The following ZNF804A variants were observed in gnomAD, a reference collection of about 807,000 sequenced individuals.
The protein encoded by ZNF804A is zinc finger protein 804A.
ZNF804A carries 2 observed loss-of-function variants against 16.5 expected under a neutral mutation model. That is an observed-to-expected ratio of 0.12 (90% confidence interval 0.05 to 0.38). ZNF804A has a LOEUF of 0.38. Ranked by LOEUF, ZNF804A falls within the 10% of genes least tolerant of loss-of-function variation. The probability of loss-of-function intolerance (pLI) is 0.99; values close to 1 mark genes in which losing one functional copy is unlikely to be tolerated. For synonymous variants in ZNF804A, 534 were observed against 489.6 expected (o/e 1.09, Z -1.20); for missense variants, 1,473 against 1,390.7 (o/e 1.06, Z -0.94).
At chr2:184,871,347 G>C (rs1266442323) in intron 2 of ZNF804A, among the ~76,000 whole-genome samples, 1 of 149,580 alleles carries the variant, frequency 6.7e-6, no homozygotes, top group Non-Finnish European at 1.5e-5. Context: ...GGTAAACTCT[G>C]ATGATGATTT....
chr2:184,709,878 G>T (rs1693097786), intron 1 of ZNF804A, among the ~76,000 whole-genome samples: 1 of 148,254 alleles, frequency 6.7e-6, no homozygotes, highest in African/African-American at 2.5e-5. Context: ...TATATTTTAA[G>T]ACTGCATAAA....
rs1695010180 is a variant in ZNF804A at position 184,818,051 on chromosome 2, C to T, written c.112-48318C>T. 2.6e-5 allele frequency among the ~76,000 whole-genome samples: 4 copies of T among 151,868 alleles called. No individual in the cohort carries two copies. In the South Asian group the frequency reaches 8.3e-4, roughly 32 times the overall value. ...GGCCATCATTCAAATTCAGGAAATC[C>T]AGAGAACCCCAGTAAGATACAACAT... On this transcript the variant is annotated intron_variant, in intron 1 of 3. Transcript: ENST00000302277.
At chr2:184,680,357 G>A (rs1340978702) in intron 1 of ZNF804A, among the ~76,000 whole-genome samples, 6 of 151,906 alleles carry the variant, frequency 3.9e-5, no homozygotes, top group Admixed American at 1.3e-4. Flanking sequence ...AACAGATGTC[G>A]GGAGGTCTTG....
chr2:184,773,307 C>A (rs1318426434), intron 1 of ZNF804A, among the ~76,000 whole-genome samples: 1 of 151,494 alleles, frequency 6.6e-6, no homozygotes, highest in South Asian at 2.1e-4. Flanking sequence ...CCAACCAATA[C>A]CTGTATCTCA....
intron 1 of ZNF804A, among the ~76,000 whole-genome samples, chr2:184,845,300 A>G (rs1205975168): frequency 6.6e-6 from 1 of 152,150 alleles, no homozygotes; most frequent in Non-Finnish European, 1.5e-5. Flanking sequence ...ATCAGGTAGT[A>G]GGAACTGAGA....
chr2:184,647,054 A>G (rs1164114663), intron 1 of ZNF804A, among the ~76,000 whole-genome samples: 1 of 152,200 alleles, frequency 6.6e-6, no homozygotes, highest in East Asian at 1.9e-4. Flanking sequence ...TATAAAAACC[A>G]TCAACTGGCT....
chr2:184,919,506 C>T (rs905751303), intron 2 of ZNF804A, among the ~76,000 whole-genome samples: 3 of 152,148 alleles, frequency 2.0e-5, no homozygotes, highest in African/African-American at 7.2e-5. Context: ...GGCTATCTAC[C>T]TGATTATTAA....
At chr2:184,655,009 A>G (rs1199058479) in intron 1 of ZNF804A, among the ~76,000 whole-genome samples, 3 of 152,228 alleles carry the variant, frequency 2.0e-5, no homozygotes, top group African/African-American at 7.2e-5. Flanking sequence ...GAGCAATGAG[A>G]TTATACATCT....
At chr2:184,609,333 T>A (rs1354752173) in intron 1 of ZNF804A, among the ~76,000 whole-genome samples, 1 of 152,202 alleles carries the variant, frequency 6.6e-6, no homozygotes, top group Admixed American at 6.5e-5. Flanking sequence ...GAATTATGCA[T>A]GACCCTTTCT....
At chr2:184,725,310 C>T (rs980190618) in intron 1 of ZNF804A, among the ~76,000 whole-genome samples, 3 of 151,532 alleles carry the variant, frequency 2.0e-5, no homozygotes, top group Admixed American at 2.0e-4. Context: ...ATATTTAAAT[C>T]ATATTTCTAT....
intron 1 of ZNF804A, among the ~76,000 whole-genome samples, chr2:184,859,682 C>T (rs954991332): frequency 1.8e-4 from 27 of 152,100 alleles, no homozygotes; most frequent in African/African-American, 6.5e-4. Flanking sequence ...TTCTTATTGC[C>T]TTACGTTGAT....
intron 2 of ZNF804A, among the ~76,000 whole-genome samples, chr2:184,917,645 CTA>C (rs1233130786): frequency 6.6e-6 from 1 of 151,344 alleles, no homozygotes; most frequent in Non-Finnish European, 1.5e-5. Flanking sequence ...CTTACTGTGC[CTA>C]GTTTATAAAT....
chr2:184,764,427 A>T (rs888767307), intron 1 of ZNF804A, among the ~76,000 whole-genome samples: 1 of 152,162 alleles, frequency 6.6e-6, no homozygotes, highest in African/African-American at 2.4e-5. Context: ...TAAACATATC[A>T]CCTCAATTTC....
intron 1 of ZNF804A, among the ~76,000 whole-genome samples, chr2:184,687,323 G>T (rs1574162938): frequency 6.6e-6 from 1 of 152,114 alleles, no homozygotes. Flanking sequence ...TCAAAGATCA[G>T]AAAAATGTTA....
chr2:184,843,354 C>T (rs56049830), intron 1 of ZNF804A, among the ~76,000 whole-genome samples: 20,668 of 152,088 alleles, frequency 0.14, 1,888 homozygotes, highest in South Asian at 0.2. Flanking sequence ...CCTCTGCCTC[C>T]TGAGTTCAAG....
intron 2 of ZNF804A, among the ~76,000 whole-genome samples, chr2:184,931,042 G>C (rs1223696607): frequency 2.0e-5 from 3 of 152,170 alleles, no homozygotes; most frequent in African/African-American, 7.2e-5. Flanking sequence ...ATGTGCAGGG[G>C]ATCTTCCCAT....
At chr2:184,630,058 G>GT (rs906717105) in intron 1 of ZNF804A, among the ~76,000 whole-genome samples, 32 of 152,002 alleles carry the variant, frequency 2.1e-4, no homozygotes, top group African/African-American at 7.5e-4. Flanking sequence ...GCTCTATTTA[G>GT]TTTTTTTCCA....
chr2:184,822,392 C>G (rs973757507), intron 1 of ZNF804A, among the ~76,000 whole-genome samples: 1 of 152,026 alleles, frequency 6.6e-6, no homozygotes, highest in Non-Finnish European at 1.5e-5. Context: ...GGGAACGACA[C>G]ACACTGGGGC....
At chr2:184,611,324 G>A (rs10192442) in intron 1 of ZNF804A, among the ~76,000 whole-genome samples, 7 of 151,880 alleles carry the variant, frequency 4.6e-5, no homozygotes, top group African/African-American at 1.2e-4. Context: ...TAGCTTACCC[G>A]TGGCATTTCT....
Sources: allele counts gnomAD v4.1 joint callset (sites outside exome capture counted in the v4.1 genomes callset), GRCh38; gene constraint gnomAD v4.1.1; transcripts MANE v1.5; gene names NCBI Gene and HGNC (gene_info 2026-07-23, HGNC 2026-07-21).